Variants in MACF1 observed in about 807,000 individuals in gnomAD.
The protein encoded by MACF1 is microtubule actin crosslinking factor 1, also known as microtubule-actin cross-linking factor 1.
Under a neutral mutation model 854.8 loss-of-function variants are expected in MACF1, and 193 were observed. The observed-to-expected ratio is 0.23, with a 90% CI of 0.20 to 0.25. The LOEUF (loss-of-function observed/expected upper bound fraction) is 0.25. Ranked by LOEUF, MACF1 falls within the 10% of genes least tolerant of loss-of-function variation. MACF1 has a pLI of 1.00. For synonymous variants in MACF1, 3,185 were observed against 3,226.7 expected, an observed-to-expected ratio of 0.99 and a Z score of 0.44; for missense variants, 7,722 against 8,929.1, an observed-to-expected ratio of 0.86 and a Z score of 5.45.
In MACF1 at chr1:39,368,280, G is replaced by T. The variant is rs778936558; in HGVS notation, c.12904G>T (p.Asp4302Tyr). The T allele has an allele frequency of 9.7e-5, 156 of 1,613,928 alleles. No homozygotes were observed. Among genetic ancestry groups the T allele is most frequent in the Non-Finnish European group, 1.3e-4 (150 of 1,179,960 alleles). The change falls in exon 50 of 101, where the codon GAC becomes TAC. Residue 4302 changes from aspartate (D) to tyrosine (Y), a missense_variant. Coordinates refer to ENST00000564288, the MANE Select transcript of MACF1 (RefSeq NM_001394062.1). ...GGACAGGGTACAGAATCTAAGAAAAGACTTCACAGAGCTACAGAAGACAGT... is the reference window on the plus strand; with the variant it reads ...GGACAGGGTACAGAATCTAAGAAAATACTTCACAGAGCTACAGAAGACAGT... ...HQDRVQNLRK[D>Y]FTELQKTVKE...
chr1:39,339,710 G>C (rs1049900791), intron 38 of MACF1, among the ~76,000 whole-genome samples: 2 of 152,188 alleles, frequency 1.3e-5, no homozygotes, highest in African/African-American at 4.8e-5. Flanking sequence ...AGAACTTGAA[G>C]TTAGAAGAGA....
chr1:39,199,504 C>T (rs989742315), intron 2 of MACF1, among the ~76,000 whole-genome samples: 3 of 152,000 alleles, frequency 2.0e-5, no homozygotes, highest in South Asian at 4.2e-4. Flanking sequence ...AGAAAAAGCT[C>T]AGGTGTCAGC....
At chr1:39,299,921 A>G (rs1646005298) in intron 21 of MACF1, among the ~76,000 whole-genome samples, 1 of 152,208 alleles carries the variant, frequency 6.6e-6, no homozygotes, top group African/African-American at 2.4e-5. Flanking sequence ...TTTGGAAGCT[A>G]GAAGTATTTG....
chr1:39,412,938 A>G, intron 58 of MACF1: 1 of 1,602,586 alleles, frequency 6.2e-7, no homozygotes, highest in Non-Finnish European at 8.5e-7. Flanking sequence ...TAGTCTCCTT[A>G]GAGGAGGAGG....
intron 27 of MACF1, 148 bp from the exon 28 acceptor site, chr1:39,316,243 T>A: frequency 1.6e-6 from 1 of 618,090 alleles, no homozygotes; most frequent in Non-Finnish European, 2.6e-6. Flanking sequence ...CACATTTACT[T>A]GTTTTCACAA....
At chr1:39,350,264 T>C (rs1647149684) in intron 42 of MACF1, among the ~76,000 whole-genome samples, 1 of 152,174 alleles carries the variant, frequency 6.6e-6, no homozygotes, top group Non-Finnish European at 1.5e-5. Flanking sequence ...CAGAGGCTTA[T>C]ATATTGGTCT....
chr1:39,381,834 G>GTAAA (rs1485634643), intron 55 of MACF1, 119 bp from the exon 56 acceptor site: 2 of 753,282 alleles, frequency 2.7e-6, no homozygotes, highest in African/African-American at 1.7e-5. Context: ...TCTCAAATAA[G>GTAAA]TAAATAAATA....
chr1:39,148,924 C>A (rs1643518982), intron 2 of MACF1, among the ~76,000 whole-genome samples: 1 of 151,984 alleles, frequency 6.6e-6, no homozygotes, highest in Non-Finnish European at 1.5e-5. Context: ...GATTTTTTTC[C>A]CCCTTTGGTT....
intron 97 of MACF1, among the ~76,000 whole-genome samples, chr1:39,477,118 G>GTATATATA (rs1170894300): frequency 1.2e-4 from 3 of 24,576 alleles, no homozygotes; most frequent in Non-Finnish European, 1.5e-4. Flanking sequence ...TACACTTAGT[G>GTATATATA]TATATATATA....
Position 39,424,503 on chromosome 1 carries a change from T to C in MACF1, c.16316+309T>C, listed in dbSNP as rs2148640843. ...CCTACAGTCCAGCCGAGTTATTTTC[T>C]GAGTTTTTCAAACAGATTTCCCCCT... is the stretch of plus-strand genomic sequence containing the variant. On this transcript the variant is annotated intron_variant, in intron 61 of 100. Transcript: ENST00000564288. Among the ~76,000 whole-genome samples, 3 of 152,342 alleles carry C rather than the reference T, an allele frequency of 2.0e-5. No individual in the cohort carries two copies. The South Asian group carries it at 6.2e-4, about 32-fold the overall frequency.
At chr1:39,232,045 A>G (rs1435044257) in intron 2 of MACF1, among the ~76,000 whole-genome samples, 1 of 149,940 alleles carries the variant, frequency 6.7e-6, no homozygotes, top group Admixed American at 6.6e-5. Context: ...ATTATTTTAA[A>G]TAGAGGAGAA....
chr1:39,464,747 C>G (rs1489279049), intron 94 of MACF1: 1 of 261,816 alleles, frequency 3.8e-6, no homozygotes, highest in Non-Finnish European at 7.5e-6. Flanking sequence ...AACACCCTCT[C>G]TACTAATAAC....
intron 2 of MACF1, among the ~76,000 whole-genome samples, chr1:39,232,769 GT>G (rs1644798197): frequency 1.0e-5 from 1 of 98,352 alleles, no homozygotes; most frequent in African/African-American, 3.9e-5. Context: ...TTTTTTTTTT[GT>G]TTGTTTGTTT....
chr1:39,474,262 C>T (rs1157645550), intron 97 of MACF1, among the ~76,000 whole-genome samples: 1 of 151,838 alleles, frequency 6.6e-6, no homozygotes, highest in African/African-American at 2.4e-5. Flanking sequence ...GGTGGCATGA[C>T]CCTGTTGTCC....
chr1:39,317,491 T>C, intron 29 of MACF1, 84 bp downstream of exon 29: 1 of 1,402,674 alleles, frequency 7.1e-7, no homozygotes, highest in Non-Finnish European at 9.6e-7. Flanking sequence ...TGTACATTTA[T>C]ATTTAAAGGT....
At chr1:39,364,365 T>G (rs1209399285) in intron 49 of MACF1, among the ~76,000 whole-genome samples, 1 of 139,390 alleles carries the variant, frequency 7.2e-6, no homozygotes, top group Admixed American at 7.1e-5. Context: ...TTTCTCTCAA[T>G]TTTTAAAGTT....
At chr1:39,468,892 A>C (rs1644721644) in intron 96 of MACF1, among the ~76,000 whole-genome samples, 160 bp downstream of exon 96, 1 of 152,206 alleles carries the variant, frequency 6.6e-6, no homozygotes, top group Non-Finnish European at 1.5e-5. Context: ...CAGGGGTGCC[A>C]GCATAGGCCA....
chr1:39,188,061 CCTT>C (rs1644201794), intron 2 of MACF1, among the ~76,000 whole-genome samples: 1 of 146,898 alleles, frequency 6.8e-6, no homozygotes, highest in Non-Finnish European at 1.5e-5. Context: ...CTTCTGAGCT[CCTT>C]CTATTTATTT....
At chr1:39,455,998 A>C (rs1644429302) in intron 89 of MACF1, among the ~76,000 whole-genome samples, 1 of 152,158 alleles carries the variant, frequency 6.6e-6, no homozygotes, top group African/African-American at 2.4e-5. Flanking sequence ...ACAGTCTCTC[A>C]ACTTTATCAT....
Sources: allele counts gnomAD v4.1 joint callset (sites outside exome capture counted in the v4.1 genomes callset), GRCh38; gene constraint gnomAD v4.1.1; transcripts MANE v1.5; gene names NCBI Gene and HGNC (gene_info 2026-07-23, HGNC 2026-07-21).